Variants in TANGO6 observed in about 807,000 individuals in gnomAD.
The protein encoded by TANGO6 is transport and golgi organization 6 homolog.
In TANGO6, 90 loss-of-function variants were observed where a neutral mutation model predicts 114.2. The ratio of observed to expected loss-of-function variants is 0.79; its 90% CI spans 0.66 to 0.94. The LOEUF is 0.94. TANGO6 is among the 40% of genes least tolerant of loss of function. The probability of loss-of-function intolerance (pLI) is 0.00; values close to 1 mark genes in which losing one functional copy is unlikely to be tolerated. For synonymous variants in TANGO6, 477 were observed against 509.8 expected (o/e 0.94, Z 0.87); for missense variants, 1,274 against 1,315.3 (o/e 0.97, Z 0.49).
intron 14 of TANGO6, among the ~76,000 whole-genome samples, chr16:68,948,631 C>T (rs1176208727): frequency 6.6e-6 from 1 of 152,156 alleles, no homozygotes; most frequent in Non-Finnish European, 1.5e-5. Flanking sequence ...AATTGTTTCA[C>T]TATATATCAA....
At chr16:69,000,586 CTTTCTTTTTTT>C (rs1371217564) in intron 15 of TANGO6, among the ~76,000 whole-genome samples, 2 of 151,848 alleles carry the variant, frequency 1.3e-5, no homozygotes, top group African/African-American at 4.8e-5. Context: ...AAACAAAAAT[CTTTCTTTTTTT>C]TTTCTTTTTT....
chr16:68,910,480 A>G (rs1230396746), intron 11 of TANGO6, among the ~76,000 whole-genome samples: 1 of 152,162 alleles, frequency 6.6e-6, no homozygotes, highest in South Asian at 2.1e-4. Flanking sequence ...AAAAATTGAT[A>G]TGACTTGAGC....
At chr16:68,948,823 C>T (rs1354328254) in intron 14 of TANGO6, among the ~76,000 whole-genome samples, 1 of 152,200 alleles carries the variant, frequency 6.6e-6, no homozygotes, top group Non-Finnish European at 1.5e-5. Flanking sequence ...TTCCTGCAGA[C>T]AATCATTAGT....
At chr16:68,897,293 C>G (rs1459274142) in intron 7 of TANGO6, among the ~76,000 whole-genome samples, 2 of 152,078 alleles carry the variant, frequency 1.3e-5, no homozygotes, top group African/African-American at 4.8e-5. Flanking sequence ...TTCTTCCTAG[C>G]ACTCGTCACT....
Position 69,072,989 on chromosome 16 carries a change from G to A in TANGO6, c.3109-10496G>A, listed in dbSNP as rs1304039829. 4.6e-5 allele frequency among the ~76,000 whole-genome samples: 7 copies of A among 150,792 alleles called. No homozygotes were observed. The South Asian group carries it at 1.5e-3, about 32-fold the overall frequency. Reference sequence around the variant, plus strand: ...GGAAAAAAAAAAAAAAGATGACCTTGTAACAAACACTGGAGGATGGGGCAC... The same window carrying A: ...GGAAAAAAAAAAAAAAGATGACCTTATAACAAACACTGGAGGATGGGGCAC... On this transcript the variant is annotated intron_variant, in intron 17 of 17. Transcript: ENST00000261778.
intron 15 of TANGO6, among the ~76,000 whole-genome samples, chr16:68,986,612 A>C (rs948487012): frequency 6.6e-6 from 1 of 151,954 alleles, no homozygotes; most frequent in African/African-American, 2.4e-5. Context: ...ATTTTAGAAA[A>C]CGTATCATCT....
At chr16:69,064,979 A>G (rs1471947125) in intron 17 of TANGO6, among the ~76,000 whole-genome samples, 1 of 152,142 alleles carries the variant, frequency 6.6e-6, no homozygotes, top group Admixed American at 6.6e-5. Flanking sequence ...GTGATCACTG[A>G]GTACAGTTTG....
At chr16:68,930,139 G>C in intron 13 of TANGO6, 99 bp from the exon 14 acceptor site, 1 of 1,011,684 alleles carries the variant, frequency 9.9e-7, no homozygotes, top group Non-Finnish European at 1.5e-6. Flanking sequence ...AGAAAAACAA[G>C]AAGCGAAGCA....
Position 69,063,672 on chromosome 16 carries a change from A to G in TANGO6, c.3109-19813A>G, listed in dbSNP as rs138874533. On this transcript the variant is annotated intron_variant, in intron 17 of 17. Transcript: ENST00000261778. ...AAAAAAAAAAAAAAAAAAAAAAAAC[A>G]AAGTTCTTTGGGGGATTTTTAATGA... is the stretch of plus-strand genomic sequence containing the variant. 2.0e-3 allele frequency among the ~76,000 whole-genome samples: 296 copies of G among 145,336 alleles called. 25 individuals carry two copies. Among genetic ancestry groups the G allele is most frequent in the Admixed American group, 0.019 (259 of 13,786 alleles).
chr16:68,996,589 G>A (rs1276781693), intron 15 of TANGO6, among the ~76,000 whole-genome samples: 3 of 152,094 alleles, frequency 2.0e-5, no homozygotes, highest in Admixed American at 1.3e-4. Context: ...TTCTGCTGAG[G>A]GCATGTGGCT....
chr16:68,916,553 T>C (rs1963008454), intron 11 of TANGO6, among the ~76,000 whole-genome samples: 1 of 149,250 alleles, frequency 6.7e-6, no homozygotes. Flanking sequence ...CTGTCAATCA[T>C]TTGCACAGAT....
intron 17 of TANGO6, among the ~76,000 whole-genome samples, chr16:69,079,936 T>C (rs527788618): frequency 1.3e-5 from 2 of 152,316 alleles, no homozygotes; most frequent in African/African-American, 4.8e-5. Flanking sequence ...AGAATGCATA[T>C]TGCACTGGGC....
intron 17 of TANGO6, among the ~76,000 whole-genome samples, chr16:69,054,801 C>T (rs1297576678): frequency 6.6e-6 from 1 of 151,570 alleles, no homozygotes; most frequent in Non-Finnish European, 1.5e-5. Context: ...ATTAGCAGGG[C>T]GCGGTGGCAG....
intron 15 of TANGO6, among the ~76,000 whole-genome samples, chr16:69,013,418 C>G (rs1959229730): frequency 6.6e-6 from 1 of 151,986 alleles, no homozygotes; most frequent in South Asian, 2.1e-4. Context: ...GAGTTTGAGA[C>G]AAGACTGGGC....
intron 6 of TANGO6, among the ~76,000 whole-genome samples, chr16:68,878,797 G>T (rs929146557): frequency 6.6e-6 from 1 of 151,962 alleles, no homozygotes; most frequent in Non-Finnish European, 1.5e-5. Context: ...TCATGGCTGG[G>T]CGTGGTGGCT....
intron 17 of TANGO6, among the ~76,000 whole-genome samples, chr16:69,051,313 G>A (rs1959944673): frequency 6.6e-6 from 1 of 152,148 alleles, no homozygotes; most frequent in East Asian, 1.9e-4. Context: ...GACTGAGGTG[G>A]GTGGATCCTG....
intron 14 of TANGO6, 104 bp from the exon 15 acceptor site, chr16:68,973,924 A>G: frequency 1.5e-6 from 2 of 1,340,812 alleles, no homozygotes; most frequent in South Asian, 1.3e-5. Context: ...AGCTTTAGAG[A>G]TGGTTTTCAG....
intron 17 of TANGO6, among the ~76,000 whole-genome samples, chr16:69,076,088 C>CTT (rs34844519): frequency 0.027 from 2,310 of 85,656 alleles, 267 homozygotes; most frequent in African/African-American, 0.087. Flanking sequence ...TATTTCATTT[C>CTT]TTTTTTTTTT....
At chr16:68,970,970 C>T (rs1455971632) in intron 14 of TANGO6, among the ~76,000 whole-genome samples, 1 of 151,870 alleles carries the variant, frequency 6.6e-6, no homozygotes, top group African/African-American at 2.4e-5. Context: ...CTGGCCAACA[C>T]GGTGAAACCC....
Sources: allele counts gnomAD v4.1 joint callset (sites outside exome capture counted in the v4.1 genomes callset), GRCh38; gene constraint gnomAD v4.1.1; transcripts MANE v1.5; gene names NCBI Gene and HGNC (gene_info 2026-07-23, HGNC 2026-07-21).